ABCA13: variants seen among roughly 807,000 people sequenced by gnomAD.
ABCA13 encodes the protein ATP-binding cassette sub-family A member 13.
A neutral mutation model predicts 478.7 loss-of-function variants in ABCA13; 476 were observed. That is an observed-to-expected ratio of 0.99 (90% CI 0.92 to 1.07). ABCA13 has a LOEUF of 1.07. Ranked by LOEUF, ABCA13 falls within the 50% of genes least tolerant of loss-of-function variation. The pLI is 0.00. For missense variants in ABCA13, 6,060 were observed against 5,910.6 expected (o/e 1.03, Z -0.83); for synonymous variants, 2,252 against 2,158.9 (o/e 1.04, Z -1.20).
At chr7:48,385,738 G>A (rs1285854839) in intron 35 of ABCA13, among the ~76,000 whole-genome samples, 1 of 152,132 alleles carries the variant, frequency 6.6e-6, no homozygotes, top group Non-Finnish European at 1.5e-5. Context: ...ACCACCACCT[G>A]TCTTCCACAA....
chr7:48,318,696 G>T (rs1032581821), intron 27 of ABCA13, among the ~76,000 whole-genome samples: 1 of 152,026 alleles, frequency 6.6e-6, no homozygotes, highest in South Asian at 2.1e-4. Context: ...GCCATCCCAG[G>T]ACTGGAGCCT....
At chr7:48,598,086 G>T (rs1054262735) in intron 58 of ABCA13, among the ~76,000 whole-genome samples, 1 of 152,086 alleles carries the variant, frequency 6.6e-6, no homozygotes, top group African/African-American at 2.4e-5. Context: ...AATTTTCTGT[G>T]TTCCACCTAT....
chr7:48,197,908 T>C (rs1258600064), intron 2 of ABCA13, among the ~76,000 whole-genome samples: 1 of 152,142 alleles, frequency 6.6e-6, no homozygotes, highest in African/African-American at 2.4e-5. Context: ...CACAGCTTGT[T>C]TACAGAGAGC....
At chr7:48,228,877 G>A (rs984422018) in intron 6 of ABCA13, among the ~76,000 whole-genome samples, 1 of 152,178 alleles carries the variant, frequency 6.6e-6, no homozygotes, top group African/African-American at 2.4e-5. Flanking sequence ...TCTGAGAGAT[G>A]CAAAATTTAA....
At chr7:48,213,101 G>A (rs973840114) in intron 3 of ABCA13, among the ~76,000 whole-genome samples, 1 of 151,838 alleles carries the variant, frequency 6.6e-6, no homozygotes, top group Non-Finnish European at 1.5e-5. Flanking sequence ...TCTTTCTATG[G>A]TGTGATGTAA....
chr7:48,558,203 C>T (rs1418895276), intron 55 of ABCA13, among the ~76,000 whole-genome samples: 1 of 133,978 alleles, frequency 7.5e-6, no homozygotes, highest in African/African-American at 2.7e-5. Flanking sequence ...TCCTCTCTCT[C>T]TCCCTTTCAC....
intron 48 of ABCA13, among the ~76,000 whole-genome samples, chr7:48,491,993 G>A (rs1006885165): frequency 6.6e-6 from 1 of 152,116 alleles, no homozygotes; most frequent in African/African-American, 2.4e-5. Flanking sequence ...TATACTACAC[G>A]GACAATATAT....
chr7:48,549,892 C>T (rs1457013717), intron 55 of ABCA13, among the ~76,000 whole-genome samples: 2 of 151,820 alleles, frequency 1.3e-5, no homozygotes, highest in African/African-American at 2.4e-5. Flanking sequence ...ATCCTTTGCC[C>T]ACTTTTTGAT....
At chr7:48,389,281 C>T in intron 37 of ABCA13, 61 bp downstream of exon 37, 3 of 1,532,544 alleles carry the variant, frequency 2.0e-6, no homozygotes, top group Middle Eastern at 2.0e-4. Flanking sequence ...TTCAGTTTAC[C>T]TGTGAGACAG....
At chr7:48,398,630 A>G (rs546404214) in intron 38 of ABCA13, among the ~76,000 whole-genome samples, 1 of 152,342 alleles carries the variant, frequency 6.6e-6, no homozygotes, top group Admixed American at 6.5e-5. Context: ...TGGCCTAAAG[A>G]AGATAAGCAT....
In ABCA13 at chr7:48,489,486, A is replaced by G; in HGVS notation, c.13291+142A>G. On this transcript the variant is annotated intron_variant, in intron 48 of 61. Coordinates refer to ENST00000435803, the MANE Select transcript of ABCA13 (RefSeq NM_152701.5). ...CTTGGCAACCAATCCGTGTCTAAAC[A>G]CAATACCAAGTTGTAGGCTGTCTTT... is the stretch of plus-strand genomic sequence containing the variant. 3.0e-6 allele frequency: 2 copies of G among 655,830 alleles called. 1 individual carries two copies. The highest frequency in any genetic ancestry group is 5.2e-6 in the Non-Finnish European group (2 of 385,776). The allele number at this position is 655,830 out of a possible 1,614,324, so 40.6% of individuals were successfully genotyped here.
At chr7:48,642,562 T>G (rs1030839893) in intron 59 of ABCA13, among the ~76,000 whole-genome samples, 14 of 152,258 alleles carry the variant, frequency 9.2e-5, no homozygotes, top group East Asian at 5.8e-4. Flanking sequence ...TGATTTTTTT[T>G]GGGATGCTAT....
chr7:48,203,191 G>A (rs554231463), intron 3 of ABCA13, among the ~76,000 whole-genome samples: 7 of 152,106 alleles, frequency 4.6e-5, no homozygotes, highest in African/African-American at 9.7e-5. Context: ...CGGCAGGGCC[G>A]GCCGGCTGCT....
chr7:48,522,894 A>G (rs183163809), intron 53 of ABCA13, among the ~76,000 whole-genome samples: 1 of 151,924 alleles, frequency 6.6e-6, no homozygotes, highest in East Asian at 1.9e-4. Flanking sequence ...AGGAGGGAAT[A>G]CAGTGGCACA....
intron 22 of ABCA13, among the ~76,000 whole-genome samples, chr7:48,297,895 C>T (rs1296953692): frequency 1.3e-5 from 2 of 151,586 alleles, no homozygotes; most frequent in African/African-American, 4.8e-5. Context: ...CTGCCTCAGC[C>T]TCCTGAGTAG....
Position 48,524,233 on chromosome 7 carries a change from A to G in ABCA13, c.14052-15A>G. 1.2e-6 allele frequency: 2 copies of G among 1,606,044 alleles called. No individual in the cohort carries two copies. Among genetic ancestry groups the G allele is most frequent in the Non-Finnish European group, 1.7e-6 (2 of 1,176,142 alleles). On this transcript the variant is annotated splice_polypyrimidine_tract_variant and intron_variant, in intron 53 of 61. Coordinates refer to ENST00000435803, the MANE Select transcript of ABCA13 (RefSeq NM_152701.5). ...ATTTGCTAGGTGTGAATTCACTCTG[A>G]TTTCATCTTCCCAGGGGTCATTCTA...
At chr7:48,602,729 A>C (rs1247397491) in intron 58 of ABCA13, among the ~76,000 whole-genome samples, 1 of 150,856 alleles carries the variant, frequency 6.6e-6, no homozygotes, top group East Asian at 1.9e-4. Context: ...TTCCATATGA[A>C]ATTTAAAGTG....
At chr7:48,644,493 A>G in intron 60 of ABCA13, 124 bp from the exon 61 acceptor site, 1 of 1,077,980 alleles carries the variant, frequency 9.3e-7, no homozygotes, top group South Asian at 1.7e-5. Flanking sequence ...TTGGAGACTC[A>G]CAAAATTAAG....
chr7:48,439,704 T>C (rs1295165933), intron 42 of ABCA13, among the ~76,000 whole-genome samples: 1 of 152,130 alleles, frequency 6.6e-6, no homozygotes, highest in Admixed American at 6.5e-5. Context: ...CCCTTTGGCA[T>C]AAAAAATTTT....
Sources: gnomAD v4.1 joint callset for allele counts (sites outside exome capture counted in the v4.1 genomes callset) on GRCh38, gnomAD v4.1.1 for gene constraint, MANE v1.5 for transcripts, NCBI Gene and HGNC (gene_info 2026-07-23, HGNC 2026-07-21) for gene names.